Variants in BRSK2 observed in about 807,000 individuals in gnomAD.
The protein encoded by BRSK2 is BR serine/threonine kinase 2.
In BRSK2, 19 loss-of-function variants were observed where a neutral mutation model predicts 83.3. The ratio of observed to expected loss-of-function variants is 0.23; its 90% CI spans 0.16 to 0.33. The LOEUF is 0.33. Among genes scored for constraint, BRSK2 ranks in the 10% least tolerant of loss-of-function variants. BRSK2 has a pLI of 1.00. For synonymous variants in BRSK2, 519 were observed against 435.4 expected, an observed-to-expected ratio of 1.19 and a Z score of -2.39; for missense variants, 798 against 1,042.3, an observed-to-expected ratio of 0.77 and a Z score of 3.23.
Position 1,401,053 on chromosome 11 carries a change from A to G in BRSK2, c.91+10678A>G, listed in dbSNP as rs181792987. On this transcript the variant is annotated intron_variant, in intron 1 of 19. Coordinates refer to ENST00000528841, the MANE Select transcript of BRSK2 (RefSeq NM_001256627.2). ...AGTGTCAGGACAGCCACCGTTGGGC[A>G]TCAGGGAGGACCAGCAGACAGAATA... Among the ~76,000 whole-genome samples, 122 of 152,350 alleles carry G rather than the reference A, an allele frequency of 8.0e-4. 1 individual carries two copies. In the East Asian group the frequency reaches 0.02, roughly 26 times the overall value.
intron 15 of BRSK2, among the ~76,000 whole-genome samples, chr11:1,453,675 G>A (rs1435643324): frequency 2.6e-5 from 4 of 152,228 alleles, no homozygotes; most frequent in Non-Finnish European, 5.9e-5. Context: ...AGGGAAAGGG[G>A]AGTTGTGAGG....
intron 14 of BRSK2, among the ~76,000 whole-genome samples, 173 bp downstream of exon 14, chr11:1,450,967 A>G (rs1308414520): frequency 6.6e-6 from 1 of 152,138 alleles, no homozygotes; most frequent in Non-Finnish European, 1.5e-5. Context: ...CCTGTGTCCT[A>G]CCTGTCGCAC....
chr11:1,455,554 C>T (rs1214144214), intron 16 of BRSK2, among the ~76,000 whole-genome samples: 8 of 152,022 alleles, frequency 5.3e-5, no homozygotes, highest in Non-Finnish European at 8.8e-5. Context: ...CAGCTTGGAG[C>T]CCCTGCAGAA....
At chr11:1,448,266 G>A (rs923371639) in intron 12 of BRSK2, among the ~76,000 whole-genome samples, 5 of 152,212 alleles carry the variant, frequency 3.3e-5, no homozygotes, top group African/African-American at 1.2e-4. Flanking sequence ...GAGGGCAGGA[G>A]GCGCCGCCGT....
chr11:1,445,471 C>A lies in BRSK2; in HGVS notation c.977+13C>A. Reference sequence around the variant, plus strand: ...TGCTGTCCGAGGAGTGCGTCTGGGGCTGCTCCCGGGTGGGGCACGGGGCCT... The same window carrying A: ...TGCTGTCCGAGGAGTGCGTCTGGGGATGCTCCCGGGTGGGGCACGGGGCCT... On this transcript the variant is annotated intron_variant, in intron 10 of 19. Coordinates refer to ENST00000528841, the MANE Select transcript of BRSK2 (RefSeq NM_001256627.2). 6.2e-7 allele frequency: 1 copy of A among 1,611,228 alleles called. No individual in the cohort carries two copies. The highest frequency in any genetic ancestry group is 8.5e-7 in the Non-Finnish European group (1 of 1,179,450).
At chr11:1,396,489 C>CA (rs1298613860) in intron 1 of BRSK2, among the ~76,000 whole-genome samples, 1 of 152,236 alleles carries the variant, frequency 6.6e-6, no homozygotes, top group African/African-American at 2.4e-5. Flanking sequence ...TGCTTTGAAG[C>CA]AGACAGGAGA....
intron 12 of BRSK2, among the ~76,000 whole-genome samples, chr11:1,448,191 C>T (rs1021468338): frequency 5.3e-5 from 8 of 152,204 alleles, no homozygotes; most frequent in African/African-American, 1.4e-4. Context: ...GGTGGCCCTG[C>T]TGCCCCTGGG....
At chr11:1,442,175 C>T (rs577830505) in intron 4 of BRSK2, among the ~76,000 whole-genome samples, 13 of 151,838 alleles carry the variant, frequency 8.6e-5, no homozygotes, top group East Asian at 2.0e-4. Context: ...TGCATCCCTA[C>T]GTGCCTGGGG....
At chr11:1,391,618 A>G (rs7932863) in intron 1 of BRSK2, among the ~76,000 whole-genome samples, 94,468 of 152,074 alleles carry the variant, frequency 0.62, 30,626 homozygotes, top group Non-Finnish European at 0.73. Flanking sequence ...ACAGGGCAGG[A>G]CCTGGGCAGG....
At chr11:1,396,716 T>A (rs1486872685) in intron 1 of BRSK2, among the ~76,000 whole-genome samples, 3 of 152,230 alleles carry the variant, frequency 2.0e-5, no homozygotes, top group African/African-American at 7.2e-5. Flanking sequence ...TCAGGCTGTC[T>A]CTGAAGTCAG....
Position 1,454,134 on chromosome 11 carries a change from C to A in BRSK2, c.1545-351C>A. 5.8e-6 allele frequency: 1 copy of A among 171,188 alleles called. No individual in the cohort carries two copies. The highest frequency in any genetic ancestry group is 1.1e-5 in the Non-Finnish European group (1 of 88,328). The allele number at this position is 171,188 out of a possible 1,614,324, so 10.6% of individuals were successfully genotyped here. On this transcript the variant is annotated intron_variant, in intron 15 of 19. Transcript: ENST00000528841. This position sits in a 1 kb window ranked among gnomAD's most constrained non-coding sequence, Gnocchi z 5.2. ...CTGACTTCAGGAGCCCAGCTTGAGC[C>A]ACCTCTCACAGCGGCCTTGGTGAGG...
chr11:1,443,924 G>A (rs879706387), intron 8 of BRSK2, among the ~76,000 whole-genome samples: 2 of 152,152 alleles, frequency 1.3e-5, no homozygotes, highest in Non-Finnish European at 2.9e-5. Context: ...GTGTGTGGGT[G>A]CACAAATGTA....
chr11:1,394,762 C>T (rs1466086885), intron 1 of BRSK2, among the ~76,000 whole-genome samples: 16 of 68,220 alleles, frequency 2.3e-4, no homozygotes, highest in Middle Eastern at 0.014. Flanking sequence ...TGGAGATGGG[C>T]CCCTGGAGAT....
intron 1 of BRSK2, among the ~76,000 whole-genome samples, chr11:1,399,270 C>T (rs1484268942): frequency 6.6e-6 from 1 of 152,116 alleles, no homozygotes; most frequent in Non-Finnish European, 1.5e-5. Flanking sequence ...CGCAGTTTCC[C>T]TATCTGTGAA....
At position 1,446,361 on chromosome 11, in the gene BRSK2, G is replaced by GGCTGGGCTGA. The variant is rs1373724436; in HGVS notation, c.1226+462_1226+471dup. Among the ~76,000 whole-genome samples, 386 of 149,450 alleles carry GGCTGGGCTGA rather than the reference G, an allele frequency of 2.6e-3. 2 individuals carry two copies. Among genetic ancestry groups the GGCTGGGCTGA allele is most frequent in the African/African-American group, 9.3e-3 (373 of 40,276 alleles). On this transcript the variant is annotated intron_variant, in intron 12 of 19. Transcript: ENST00000528841. ...GATTTGACTGGGCTGAGCTGGGCAG[G>GGCTGGGCTGA]GCTGGGCTGAGCTGGGCAGGGCTGG...
At chr11:1,436,876 A>G (rs1426433327) in intron 2 of BRSK2, among the ~76,000 whole-genome samples, 1 of 151,590 alleles carries the variant, frequency 6.6e-6, no homozygotes, top group Non-Finnish European at 1.5e-5. Flanking sequence ...AGTGGCCAAG[A>G]GAGGGGAGGC....
At chr11:1,436,250 G>GGGGGGGT in intron 2 of BRSK2, 116 bp downstream of exon 2, 1 of 168,876 alleles carries the variant, frequency 5.9e-6, no homozygotes, top group South Asian at 1.3e-4. Flanking sequence ...GGGGGGGCGG[G>GGGGGGGT]CCCTGCAGGC....
Position 1,445,612 on chromosome 11 carries a change from GGAAA to G in BRSK2, c.1025_1028del (p.Glu342GlyfsTer16). The stretch of plus-strand genomic sequence containing the variant: ...ATGATTTACTTCCTCCTCCTGGACC[GGAAA>G]GAAAGGTACCCGAGCCAGGAGGATG... On this transcript the variant is annotated frameshift_variant, in exon 11 of 20. Transcript: ENST00000528841. LOFTEE classifies it high-confidence loss of function. 1 of 1,575,066 alleles carries G rather than the reference GGAAA, an allele frequency of 6.3e-7. No individual in the cohort carries two copies. Among genetic ancestry groups the G allele is most frequent in the African/African-American group, 1.4e-5 (1 of 74,050 alleles).
Position 1,460,987 on chromosome 11 carries a change from T to C in BRSK2, c.*264T>C. The C allele has an allele frequency of 6.2e-7, 1 of 1,612,358 alleles. No individual in the cohort carries two copies. Among genetic ancestry groups the C allele is most frequent in the African/African-American group, 1.3e-5 (1 of 74,992 alleles). On this transcript the variant is annotated 3_prime_UTR_variant, in exon 20 of 20. Coordinates refer to ENST00000528841, the MANE Select transcript of BRSK2 (RefSeq NM_001256627.2). ...GATACCAGGAATTATCCCGAAAAGTTAACATGTCACCTCCACGAGGCCATC... is the reference window on the plus strand; with the variant it reads ...GATACCAGGAATTATCCCGAAAAGTCAACATGTCACCTCCACGAGGCCATC...
Sources: gnomAD v4.1 joint callset for allele counts (sites outside exome capture counted in the v4.1 genomes callset) on GRCh38, gnomAD v4.1.1 for gene constraint, Gnocchi (gnomAD v3.1) non-coding constraint, MANE v1.5 for transcripts, NCBI Gene and HGNC (gene_info 2026-07-23, HGNC 2026-07-21) for gene names.